HPRT1: variants seen among roughly 807,000 people sequenced by gnomAD.
The protein encoded by HPRT1 is hypoxanthine phosphoribosyltransferase 1.
HPRT1 carries 4 observed loss-of-function variants against 19.0 expected under a neutral mutation model. That is an observed-to-expected ratio of 0.21 (90% CI 0.10 to 0.48). The LOEUF is 0.48. HPRT1 is among the 20% of genes least tolerant of loss of function. The pLI is 0.98. For missense variants in HPRT1, 65 were observed against 164.0 expected, an observed-to-expected ratio of 0.40 and a Z score of 3.30; for synonymous variants, 53 against 54.9, an observed-to-expected ratio of 0.97 and a Z score of 0.15.
rs148054157 is a variant in HPRT1, at chrX:134,474,295, A to C, written c.134+830A>C. Among the ~76,000 whole-genome samples, 23 of 111,850 alleles carry C rather than the reference A, an allele frequency of 2.1e-4. No individual in the cohort carries two copies. In the East Asian group the frequency reaches 3.4e-3, roughly 16 times the overall value. On this transcript the variant is annotated intron_variant, in intron 2 of 8. Coordinates refer to ENST00000298556, the MANE Select transcript of HPRT1 (RefSeq NM_000194.3). ...TACTTGTTCAGCTTTATTCAAGTGGAATTTCTGGGTCAAGGGGAAAGAGTT... is the reference window on the plus strand; with the variant it reads ...TACTTGTTCAGCTTTATTCAAGTGGCATTTCTGGGTCAAGGGGAAAGAGTT...
intron 1 of HPRT1, among the ~76,000 whole-genome samples, chrX:134,469,077 G>T (rs749519648): frequency 9.0e-6 from 1 of 110,842 alleles, no homozygotes; most frequent in East Asian, 2.8e-4. Flanking sequence ...GATACATTTT[G>T]AACAACTACA....
At chrX:134,468,701 G>T (rs1217772257) in intron 1 of HPRT1, among the ~76,000 whole-genome samples, 1 of 103,867 alleles carries the variant, frequency 9.6e-6, no homozygotes, top group Non-Finnish European at 2.0e-5. Context: ...CTTGCAGTGA[G>T]CCAGGATCGC....
intron 1 of HPRT1, among the ~76,000 whole-genome samples, chrX:134,471,334 A>T (rs550933051): frequency 9.9e-5 from 11 of 111,652 alleles, no homozygotes; most frequent in Non-Finnish European, 1.9e-4. Context: ...AGGTACATAT[A>T]TAGTATTTAT....
intron 2 of HPRT1, among the ~76,000 whole-genome samples, chrX:134,474,583 C>A (rs1232214172): frequency 1.8e-5 from 2 of 109,886 alleles, no homozygotes; most frequent in Non-Finnish European, 3.8e-5. Flanking sequence ...CCACTCCCAG[C>A]TAATATTTTT....
chrX:134,486,994 CCTCT>C (rs902299739), intron 4 of HPRT1, among the ~76,000 whole-genome samples: 6 of 110,745 alleles, frequency 5.4e-5, no homozygotes, highest in African/African-American at 2.0e-4. Flanking sequence ...AGTTACTTAA[CCTCT>C]CTGTGTCCCA....
At chrX:134,475,142 A>C in intron 2 of HPRT1, 39 bp from the exon 3 acceptor site, 1 of 1,082,456 alleles carries the variant, frequency 9.2e-7, no homozygotes, top group Non-Finnish European at 1.3e-6. Context: ...AGTTTAATGT[A>C]TGAAACTTTC....
At chrX:134,471,904 A>G (rs17878792) in intron 1 of HPRT1, among the ~76,000 whole-genome samples, 10 of 111,739 alleles carry the variant, frequency 8.9e-5, no homozygotes, top group African/African-American at 3.3e-4. Context: ...CTCCCAAAAT[A>G]CTGGGATTAC....
At chrX:134,462,317 A>T (rs925182153) in intron 1 of HPRT1, among the ~76,000 whole-genome samples, 14 of 110,741 alleles carry the variant, frequency 1.3e-4, no homozygotes, top group African/African-American at 4.6e-4. Context: ...AGTAGCTGGG[A>T]TTACAGGCGC....
intron 1 of HPRT1, among the ~76,000 whole-genome samples, chrX:134,463,425 C>T (rs1030674460): frequency 7.2e-5 from 8 of 111,411 alleles, no homozygotes; most frequent in East Asian, 5.6e-4. Context: ...AAACGGAGCA[C>T]CTTTTTTTTG....
At chrX:134,470,767 A>G (rs1240730114) in intron 1 of HPRT1, among the ~76,000 whole-genome samples, 3 of 110,406 alleles carry the variant, frequency 2.7e-5, no homozygotes, top group Non-Finnish European at 3.8e-5. Flanking sequence ...AAAAATATAT[A>G]TATTAAAGTG....
chrX:134,489,798 G>A (rs1602746591), intron 4 of HPRT1, among the ~76,000 whole-genome samples: 1 of 111,492 alleles, frequency 9.0e-6, no homozygotes, highest in African/African-American at 3.3e-5. Flanking sequence ...TGATTTTTGA[G>A]TTATTGTACA....
intron 1 of HPRT1, among the ~76,000 whole-genome samples, chrX:134,462,702 G>A (rs1057422930): frequency 2.7e-5 from 3 of 111,993 alleles, no homozygotes; most frequent in Non-Finnish European, 5.6e-5. Flanking sequence ...CTGTTTGTTA[G>A]TTTTCTTTGA....
At chrX:134,495,952 G>A (rs2077679431) in intron 6 of HPRT1, among the ~76,000 whole-genome samples, 1 of 112,063 alleles carries the variant, frequency 8.9e-6, no homozygotes, top group African/African-American at 3.2e-5. Flanking sequence ...CCCTTGTTTT[G>A]GCTGAATAAT....
At chrX:134,497,291 T>C (rs2077683327) in intron 6 of HPRT1, among the ~76,000 whole-genome samples, 1 of 110,491 alleles carries the variant, frequency 9.1e-6, no homozygotes, top group Non-Finnish European at 1.9e-5. Flanking sequence ...ATTACACCAC[T>C]GCACTGCAGC....
intron 3 of HPRT1, among the ~76,000 whole-genome samples, chrX:134,484,320 C>CT (rs1388921983): frequency 8.9e-6 from 1 of 112,061 alleles, no homozygotes; most frequent in East Asian, 2.8e-4. Flanking sequence ...TTCTTTCTTT[C>CT]TTCTTTCTTT....
At chrX:134,487,710 C>T (rs970919809) in intron 4 of HPRT1, among the ~76,000 whole-genome samples, 3 of 112,065 alleles carry the variant, frequency 2.7e-5, no homozygotes, top group Non-Finnish European at 5.6e-5. Flanking sequence ...TATCTTGTCC[C>T]ATATCAGGGT....
intron 4 of HPRT1, among the ~76,000 whole-genome samples, chrX:134,487,815 C>A (rs1250217536): frequency 8.9e-5 from 10 of 111,740 alleles, no homozygotes; most frequent in African/African-American, 3.3e-4. Flanking sequence ...CACTGTTAGA[C>A]CTGTCCTTCC....
chrX:134,476,752 T>C (rs953410595), intron 3 of HPRT1, among the ~76,000 whole-genome samples: 2 of 111,611 alleles, frequency 1.8e-5, no homozygotes, highest in Non-Finnish European at 3.8e-5. Context: ...TTTAATATTT[T>C]CTTTTAAAAA....
intron 1 of HPRT1, among the ~76,000 whole-genome samples, chrX:134,468,973 G>T (rs1275896965): frequency 1.8e-5 from 2 of 109,823 alleles, no homozygotes; most frequent in Admixed American, 9.9e-5. Context: ...GCCCAGGCTG[G>T]TCACAAACTC....
Sources: gnomAD v4.1 joint callset for allele counts (sites outside exome capture counted in the v4.1 genomes callset) on GRCh38, gnomAD v4.1.1 for gene constraint, MANE v1.5 for transcripts, NCBI Gene and HGNC (gene_info 2026-07-23, HGNC 2026-07-21) for gene names.